The following RMDN2 variants were observed in gnomAD, a reference collection of about 807,000 sequenced individuals.
The protein encoded by RMDN2 is regulator of microtubule dynamics 2, also known as regulator of microtubule dynamics protein 2.
RMDN2 carries 61 observed loss-of-function variants against 52.8 expected under a neutral mutation model. That is an observed-to-expected ratio of 1.16 (90% CI 0.94 to 1.43). The LOEUF is 1.43. Among genes scored for constraint, RMDN2 ranks in the 40% most tolerant of loss-of-function variants. The probability of loss-of-function intolerance (pLI) is 0.00; values close to 1 mark genes in which losing one functional copy is unlikely to be tolerated. For missense variants in RMDN2, 592 were observed against 475.3 expected (o/e 1.25, Z -2.28); for synonymous variants, 180 against 153.1 (o/e 1.18, Z -1.30).
chr2:38,003,848 A>T, intron 8 of RMDN2, 143 bp from the exon 9 acceptor site: 1 of 668,844 alleles, frequency 1.5e-6, no homozygotes, highest in Non-Finnish European at 2.7e-6. Flanking sequence ...TGATCAAGTG[A>T]TTCAAATGTG....
Position 37,974,155 on chromosome 2 carries a change from C to T in RMDN2, c.568C>T (p.Arg190Cys), listed in dbSNP as rs138891333. 1.1e-5 allele frequency: 18 copies of T among 1,613,228 alleles called. 1 individual carries two copies. Among genetic ancestry groups the T allele is most frequent in the African/African-American group, 8.0e-5 (6 of 75,008 alleles). Residue 190 changes from arginine (R) to cysteine (C), a missense_variant, in exon 3 of 11, where the codon CGT (arginine) becomes TGT (cysteine). Transcript: ENST00000354545. ...CCTTCTTCAGAAGGTAGATCATTTACGTATGAGTGAGTCTGGCAAGTCGGA... is the reference window on the plus strand; with the variant it reads ...CCTTCTTCAGAAGGTAGATCATTTATGTATGAGTGAGTCTGGCAAGTCGGA... ...DVLLQKVDHL[R>C]MSESGKSESF... is the part of the protein sequence containing the mutation.
Position 37,929,242 on chromosome 2 carries a change from A to G in RMDN2, c.-16-20A>G, listed in dbSNP as rs1362395494. ...AAAGACATAAACAACATTCATTTAC[A>G]TTTATGTTTTTAATTTTAGAAACGA... On this transcript the variant is annotated intron_variant, in intron 1 of 10. Coordinates refer to ENST00000354545, the MANE Select transcript of RMDN2 (RefSeq NM_001170791.3). 7.4e-7 allele frequency: 1 copy of G among 1,345,288 alleles called. No individual in the cohort carries two copies. The highest frequency in any genetic ancestry group is 1.0e-6 in the Non-Finnish European group (1 of 992,088). 83.3% of individuals were successfully genotyped at this position (1,345,288 alleles called of 1,614,324 possible).
chr2:38,062,650 G>A (rs1205744018), intron 10 of RMDN2, among the ~76,000 whole-genome samples: 1 of 151,566 alleles, frequency 6.6e-6, no homozygotes, highest in Non-Finnish European at 1.5e-5. Flanking sequence ...AAGTTTTAGG[G>A]TACATGTGCA....
In RMDN2 at chr2:37,953,940, A is replaced by G. The variant is rs1419367058; in HGVS notation, c.453-20100A>G. ...TTGTGGTTTTTATTTGAATATCCCTAATGATTAGTGACATTGAACATCTTT... is the reference window on the plus strand; with the variant it reads ...TTGTGGTTTTTATTTGAATATCCCTGATGATTAGTGACATTGAACATCTTT... On this transcript the variant is annotated intron_variant, in intron 2 of 10. Coordinates refer to ENST00000354545, the MANE Select transcript of RMDN2 (RefSeq NM_001170791.3). Among the ~76,000 whole-genome samples, 5 of 152,050 alleles carry G rather than the reference A, an allele frequency of 3.3e-5. No homozygotes were observed. In the East Asian group the frequency reaches 9.7e-4, roughly 29 times the overall value.
At chr2:37,935,041 C>T (rs763270851) in intron 2 of RMDN2, among the ~76,000 whole-genome samples, 1 of 152,040 alleles carries the variant, frequency 6.6e-6, no homozygotes, top group African/African-American at 2.4e-5. Flanking sequence ...TGTATAGTGA[C>T]CATATGGGTC....
chr2:37,982,108 GTTACT>G (rs1403725669), intron 5 of RMDN2, among the ~76,000 whole-genome samples: 1 of 151,978 alleles, frequency 6.6e-6, no homozygotes, highest in Non-Finnish European at 1.5e-5. Flanking sequence ...CTTCTTTGCG[GTTACT>G]TTATTTCCCA....
chr2:38,042,926 C>G (rs1032365240), intron 10 of RMDN2, among the ~76,000 whole-genome samples: 1 of 152,116 alleles, frequency 6.6e-6, no homozygotes, highest in African/African-American at 2.4e-5. Flanking sequence ...AGTGTGGTCT[C>G]TCTCAGTGAA....
At chr2:38,062,398 A>G (rs770500741) in intron 10 of RMDN2, among the ~76,000 whole-genome samples, 9 of 152,200 alleles carry the variant, frequency 5.9e-5, no homozygotes, top group African/African-American at 7.2e-5. Context: ...GTGTGTATCA[A>G]TGGTTCATTC....
At chr2:37,966,073 A>G (rs1671001171) in intron 2 of RMDN2, among the ~76,000 whole-genome samples, 1 of 152,128 alleles carries the variant, frequency 6.6e-6, no homozygotes, top group African/African-American at 2.4e-5. Flanking sequence ...TACTTTAAGT[A>G]TGATATTCTT....
chr2:37,974,300 G>A, intron 3 of RMDN2, 86 bp downstream of exon 3: 1 of 826,400 alleles, frequency 1.2e-6, no homozygotes, highest in Admixed American at 3.4e-5. Context: ...TAATAATTGT[G>A]TCATGGTTCC....
intron 2 of RMDN2, among the ~76,000 whole-genome samples, chr2:37,939,961 A>G (rs943887522): frequency 2.0e-5 from 3 of 152,138 alleles, no homozygotes; most frequent in African/African-American, 7.2e-5. Flanking sequence ...TAGTTGATGC[A>G]GTTTCTTCAT....
intron 10 of RMDN2, among the ~76,000 whole-genome samples, chr2:38,066,375 G>C (rs1294274784): frequency 2.0e-5 from 3 of 152,176 alleles, no homozygotes; most frequent in Non-Finnish European, 4.4e-5. Flanking sequence ...ATGTAAACTA[G>C]ATTATTTTCC....
chr2:37,954,453 A>T (rs1176895702), intron 2 of RMDN2, among the ~76,000 whole-genome samples: 1 of 152,014 alleles, frequency 6.6e-6, no homozygotes, highest in East Asian at 1.9e-4. Flanking sequence ...TGTTGAAGAG[A>T]TTACCCTTTC....
At chr2:37,942,875 C>G (rs920311256) in intron 2 of RMDN2, among the ~76,000 whole-genome samples, 1 of 152,198 alleles carries the variant, frequency 6.6e-6, no homozygotes, top group Non-Finnish European at 1.5e-5. Context: ...AAAAGAAAAT[C>G]TAGCAAGATG....
intron 10 of RMDN2, among the ~76,000 whole-genome samples, chr2:38,045,718 C>G (rs1681230687): frequency 6.6e-6 from 1 of 152,160 alleles, no homozygotes; most frequent in Non-Finnish European, 1.5e-5. Context: ...GCATTTTTGC[C>G]TGGAGCTGCT....
intron 7 of RMDN2, among the ~76,000 whole-genome samples, chr2:37,996,843 C>T (rs77387928): frequency 0.16 from 24,351 of 152,052 alleles, 2,029 homozygotes; most frequent in African/African-American, 0.18. Flanking sequence ...TTGGTGGTTA[C>T]TGATTTTTTA....
chr2:38,062,061 C>G (rs1682074553), intron 10 of RMDN2, among the ~76,000 whole-genome samples: 1 of 152,224 alleles, frequency 6.6e-6, no homozygotes, highest in Non-Finnish European at 1.5e-5. Flanking sequence ...GTCAGTTCAG[C>G]TTCACTTAAG....
In RMDN2 at chr2:38,003,868, A is replaced by G. The variant is rs115568974; in HGVS notation, c.1045-123A>G. ...AAGTGATTCAAATGTGAAACAACCA[A>G]CCTAAATTCTTAGGGCAGTTTGGTT... On this transcript the variant is annotated intron_variant, in intron 8 of 10. Transcript: ENST00000354545. The G allele has an allele frequency of 5.0e-3, 3,716 of 742,038 alleles. 16 individuals are homozygous for G. Among genetic ancestry groups the G allele is most frequent in the African/African-American group, 0.017 (950 of 57,122 alleles). The allele number at this position is 742,038 out of a possible 1,614,324, so 46.0% of individuals were successfully genotyped here. A position where few individuals can be genotyped will look rare whatever the true frequency, so the allele number is the denominator to read the frequency against.
Position 37,975,226 on chromosome 2 carries a change from A to G in RMDN2, c.642A>G (p.Ile214Met), listed in dbSNP as rs748731992. The change falls in exon 4 of 11, where the codon ATA (isoleucine) becomes ATG (methionine). Residue 214 changes from isoleucine (I) to methionine (M), a missense_variant. Ile to Met is a conservative substitution (Grantham distance 10). Coordinates refer to ENST00000354545, the MANE Select transcript of RMDN2 (RefSeq NM_001170791.3). ...RDHKEKFRDE[I>M]EFMWRFARAY... is the part of the protein sequence containing the mutation. Reference sequence around the variant, plus strand: ...TTTCTTTTCAGTTTAGAGATGAAATAGAGTTTATGTGGCGATTTGCTCGTG... The same window carrying G: ...TTTCTTTTCAGTTTAGAGATGAAATGGAGTTTATGTGGCGATTTGCTCGTG... 6.3e-7 allele frequency: 1 copy of G among 1,599,420 alleles called. No individual in the cohort carries two copies. The highest frequency in any genetic ancestry group is 8.6e-7 in the Non-Finnish European group (1 of 1,166,864).
Sources: allele counts gnomAD v4.1 joint callset (sites outside exome capture counted in the v4.1 genomes callset), GRCh38; gene constraint gnomAD v4.1.1; transcripts MANE v1.5; gene names NCBI Gene and HGNC (gene_info 2026-07-23, HGNC 2026-07-21).